NRG3: variants seen among roughly 807,000 people sequenced by gnomAD.
NRG3 encodes neuregulin 3, also known as pro-neuregulin-3, membrane-bound isoform.
A neutral mutation model predicts 66.9 loss-of-function variants in NRG3; 31 were observed. The observed-to-expected ratio is 0.46, with a 90% CI of 0.35 to 0.63. NRG3 has a LOEUF of 0.63. NRG3 is among the 20% of genes least tolerant of loss of function. The probability of loss-of-function intolerance (pLI) is 0.00; values close to 1 mark genes in which losing one functional copy is unlikely to be tolerated. For missense variants in NRG3, 910 were observed against 878.9 expected (o/e 1.04, Z -0.45); for synonymous variants, 393 against 359.4 (o/e 1.09, Z -1.06).
intron 1 of NRG3, among the ~76,000 whole-genome samples, chr10:81,924,159 G>T (rs1339034570): frequency 6.6e-6 from 1 of 152,170 alleles, no homozygotes; most frequent in African/African-American, 2.4e-5. Context: ...GGTAGGGCTG[G>T]TGGTGACTAT....
chr10:81,926,963 T>A (rs2132939955), intron 1 of NRG3, among the ~76,000 whole-genome samples: 1 of 152,314 alleles, frequency 6.6e-6, no homozygotes, highest in South Asian at 2.1e-4. Context: ...CCGAGCATGC[T>A]CTGGATTTTA....
intron 3 of NRG3, among the ~76,000 whole-genome samples, chr10:82,813,445 C>T (rs1263365563): frequency 6.6e-6 from 1 of 151,988 alleles, no homozygotes. Context: ...AACTCCTGAC[C>T]TCAAGTGATC....
intron 1 of NRG3, among the ~76,000 whole-genome samples, chr10:82,142,235 A>G (rs371554636): frequency 6.6e-6 from 1 of 152,212 alleles, no homozygotes; most frequent in South Asian, 2.1e-4. Flanking sequence ...GCTGATGACT[A>G]TTGCATTAAT....
chr10:81,966,465 C>T (rs1202169767), intron 1 of NRG3, among the ~76,000 whole-genome samples: 5 of 151,580 alleles, frequency 3.3e-5, no homozygotes, highest in African/African-American at 1.2e-4. Context: ...ATTTTCTGTT[C>T]TTCTATTTAT....
intron 2 of NRG3, among the ~76,000 whole-genome samples, chr10:82,668,297 A>G: frequency 6.6e-6 from 1 of 152,220 alleles, no homozygotes; most frequent in East Asian, 1.9e-4. Flanking sequence ...GAGAGCCAAT[A>G]ATAACCACTC....
chr10:82,254,293 G>A (rs527387368), intron 1 of NRG3, among the ~76,000 whole-genome samples: 111 of 152,240 alleles, frequency 7.3e-4, no homozygotes, highest in African/African-American at 2.2e-3. Context: ...TCACTTTAAC[G>A]TAAACTAGAT....
chr10:82,612,527 A>G (rs1179166958), intron 2 of NRG3, among the ~76,000 whole-genome samples: 1 of 152,224 alleles, frequency 6.6e-6, no homozygotes, highest in Non-Finnish European at 1.5e-5. Flanking sequence ...GCAGAAAAAC[A>G]TATGGCATTA....
intron 2 of NRG3, among the ~76,000 whole-genome samples, chr10:82,565,901 A>G (rs2045374890): frequency 6.6e-6 from 1 of 152,094 alleles, no homozygotes; most frequent in Non-Finnish European, 1.5e-5. Flanking sequence ...TCTAATGAGA[A>G]GTCGCATGAT....
chr10:82,951,507 T>G lies in NRG3; in HGVS notation c.1093T>G (p.Ser365Ala), dbSNP rs865790126. The G allele has an allele frequency of 6.2e-7, 1 of 1,613,926 alleles. No individual in the cohort carries two copies. The highest frequency in any genetic ancestry group is 8.5e-7 in the Non-Finnish European group (1 of 1,179,898). ...TTATCAAAGGCAGGTGCTGTCAATT[T>G]CATGTATCATCTTTGGAATTGTCAT... ...EVYQRQVLSI[S>A]CIIFGIVIVG... The change falls in exon 5 of 9, where the codon TCA (serine) becomes GCA (alanine). Residue 365 changes from serine to alanine, a missense_variant. Physicochemically the swap from Ser to Ala is moderately conservative, Grantham distance 99. Coordinates refer to ENST00000372141, the MANE Select transcript of NRG3 (RefSeq NM_001010848.4).
chr10:82,491,974 A>T (rs537932910), intron 2 of NRG3, among the ~76,000 whole-genome samples: 1 of 152,282 alleles, frequency 6.6e-6, no homozygotes, highest in South Asian at 2.1e-4. Flanking sequence ...CTTTACTCTA[A>T]TTGCCCTAAG....
intron 2 of NRG3, among the ~76,000 whole-genome samples, chr10:82,498,840 AT>A (rs1590358863): frequency 6.6e-6 from 1 of 152,096 alleles, no homozygotes; most frequent in African/African-American, 2.4e-5. Context: ...AACTTACAGA[AT>A]TTTTTTCGGT....
intron 1 of NRG3, among the ~76,000 whole-genome samples, chr10:81,958,652 C>G (rs539357714): frequency 6.6e-6 from 1 of 152,048 alleles, no homozygotes; most frequent in Non-Finnish European, 1.5e-5. Flanking sequence ...CCTGTAATCC[C>G]GCCGAGGTGG....
chr10:82,679,810 C>G (rs903255815), intron 2 of NRG3, among the ~76,000 whole-genome samples: 1 of 151,894 alleles, frequency 6.6e-6, no homozygotes, highest in African/African-American at 2.4e-5. Flanking sequence ...AGGTTTGGAG[C>G]TGGGATTCTA....
intron 4 of NRG3, among the ~76,000 whole-genome samples, chr10:82,881,971 A>C (rs1842340078): frequency 6.6e-6 from 1 of 152,120 alleles, no homozygotes; most frequent in Non-Finnish European, 1.5e-5. Flanking sequence ...AACAGTGCCA[A>C]ATACTATAGA....
chr10:82,040,311 A>G (rs1407510311), intron 1 of NRG3, among the ~76,000 whole-genome samples: 1 of 152,090 alleles, frequency 6.6e-6, no homozygotes, highest in Non-Finnish European at 1.5e-5. Flanking sequence ...CATGTATAGT[A>G]TACACAAATA....
rs146202204 is a variant in NRG3, at chr10:82,709,213, C to T, written c.954-29364C>T. On this transcript the variant is annotated intron_variant, in intron 2 of 8. Coordinates refer to ENST00000372141, the MANE Select transcript of NRG3 (RefSeq NM_001010848.4). ...AAATGCAGTTTTCTATTCACACTAG[C>T]CAATTGTGTCTAATGGCTACCAGGA... is the stretch of plus-strand genomic sequence containing the variant. 2.2e-3 allele frequency among the ~76,000 whole-genome samples: 329 copies of T among 152,260 alleles called. 1 individual carries two copies. The highest frequency in any genetic ancestry group is 7.2e-3 in the African/African-American group (300 of 41,540).
chr10:82,420,321 A>G (rs1374617979), intron 2 of NRG3, among the ~76,000 whole-genome samples: 1 of 152,164 alleles, frequency 6.6e-6, no homozygotes. Context: ...TTAGGGATGC[A>G]ATGATTTCAC....
rs1029367650 is a variant in NRG3, at chr10:82,170,784, C to T, written c.824-187955C>T. On this transcript the variant is annotated intron_variant, in intron 1 of 8. Transcript: ENST00000372141. Reference sequence around the variant, plus strand: ...AGTCAGCTTTTTCAAAATTGCCATTCGATTGCCAGCCTTCAGTTTTGATAG... The same window carrying T: ...AGTCAGCTTTTTCAAAATTGCCATTTGATTGCCAGCCTTCAGTTTTGATAG... 6.8e-5 allele frequency among the ~76,000 whole-genome samples: 10 copies of T among 148,048 alleles called. 1 individual carries two copies. The highest frequency in any genetic ancestry group is 6.4e-4 in the South Asian group (3 of 4,694).
rs147245216 is a variant in NRG3 at position 81,875,637 on chromosome 10, C to A, written c.297C>A (p.Pro99=). 6.2e-7 allele frequency: 1 copy of A among 1,613,728 alleles called. No homozygotes were observed. Among genetic ancestry groups the A allele is most frequent in the African/African-American group, 1.3e-5 (1 of 74,908 alleles). ...IVVGSVKEYV[P]TDLVDSKGMG... ...TGGGCTCCGTCAAGGAGTACGTGCC[C>A]ACCGACCTAGTGGACTCCAAGGGGA... The change falls in exon 1 of 9, where the codon CCC becomes CCA. Residue 99 remains proline, a synonymous_variant. Coordinates refer to ENST00000372141, the MANE Select transcript of NRG3 (RefSeq NM_001010848.4). This position sits in a 1 kb window ranked among gnomAD's most constrained non-coding sequence, Gnocchi z 5.3.
Sources: allele counts gnomAD v4.1 joint callset (sites outside exome capture counted in the v4.1 genomes callset), GRCh38; gene constraint gnomAD v4.1.1; non-coding constraint Gnocchi (gnomAD v3.1); transcripts MANE v1.5; gene names NCBI Gene and HGNC (gene_info 2026-07-23, HGNC 2026-07-21).